The following RIN2 variants were observed in gnomAD, a reference collection of about 807,000 sequenced individuals.
The protein encoded by RIN2 is Ras and Rab interactor 2.
Under a neutral mutation model 78.0 loss-of-function variants are expected in RIN2, and 36 were observed. That is an observed-to-expected ratio of 0.46 (90% CI 0.35 to 0.61). The LOEUF is 0.61. Among genes scored for constraint, RIN2 ranks in the 20% least tolerant of loss-of-function variants. RIN2 has a pLI of 0.00. For missense variants in RIN2, 1,087 were observed against 1,159.7 expected (o/e 0.94, Z 0.91); for synonymous variants, 466 against 466.8 (o/e 1.00, Z 0.02).
chr20:19,924,499 ACCCCC>A (rs1568616144), intron 3 of RIN2, among the ~76,000 whole-genome samples: 1 of 68,110 alleles, frequency 1.5e-5, no homozygotes, highest in Non-Finnish European at 3.1e-5. Context: ...CCACCTTCAT[ACCCCC>A]ACCTTCACAC....
intron 11 of RIN2, among the ~76,000 whole-genome samples, chr20:19,994,229 G>A (rs116598127): frequency 1.5e-4 from 23 of 152,322 alleles, no homozygotes; most frequent in African/African-American, 4.1e-4. Context: ...GGAAGTAGGC[G>A]GCCCAGTTGG....
intron 4 of RIN2, among the ~76,000 whole-genome samples, chr20:19,939,633 C>T (rs1187073987): frequency 6.6e-6 from 1 of 152,174 alleles, no homozygotes; most frequent in Non-Finnish European, 1.5e-5. Flanking sequence ...AGCATTCTCT[C>T]CCCATCACTC....
At chr20:19,995,113 T>C (rs540846402) in intron 11 of RIN2, among the ~76,000 whole-genome samples, 2 of 152,246 alleles carry the variant, frequency 1.3e-5, no homozygotes, top group East Asian at 3.9e-4. Flanking sequence ...ATATTGCCAC[T>C]TATTGACCAG....
intron 1 of RIN2, among the ~76,000 whole-genome samples, chr20:19,796,211 C>G (rs2035051317): frequency 6.6e-6 from 1 of 152,078 alleles, no homozygotes; most frequent in Admixed American, 6.5e-5. Context: ...AGGATTTGGT[C>G]CATAGTAAAG....
intron 2 of RIN2, among the ~76,000 whole-genome samples, chr20:19,854,137 A>C (rs894656351): frequency 3.3e-5 from 5 of 152,152 alleles, no homozygotes; most frequent in Non-Finnish European, 7.4e-5. Flanking sequence ...TAAATAGGGA[A>C]TCCTTTCCCC....
intron 2 of RIN2, among the ~76,000 whole-genome samples, chr20:19,813,003 C>G (rs1484961109): frequency 1.3e-5 from 2 of 152,196 alleles, no homozygotes; most frequent in African/African-American, 4.8e-5. Context: ...AGTGCAGGGT[C>G]AGATTCTGAG....
At chr20:19,865,090 G>A (rs998348708) in intron 2 of RIN2, among the ~76,000 whole-genome samples, 1 of 152,162 alleles carries the variant, frequency 6.6e-6, no homozygotes, top group Admixed American at 6.5e-5. Context: ...AAATGTTTAC[G>A]ACTCCCCCAG....
At chr20:19,927,272 G>A (rs950326385) in intron 3 of RIN2, among the ~76,000 whole-genome samples, 3 of 152,192 alleles carry the variant, frequency 2.0e-5, no homozygotes, top group Non-Finnish European at 4.4e-5. Context: ...TTAAGAGATG[G>A]GGTCTCACTC....
chr20:19,815,140 ATTTTGTTT>A, intron 2 of RIN2, among the ~76,000 whole-genome samples: 1 of 152,210 alleles, frequency 6.6e-6, no homozygotes, highest in Admixed American at 6.5e-5. Context: ...TGAGGTTTGC[ATTTTGTTT>A]ATTTATTTTT....
intron 7 of RIN2, among the ~76,000 whole-genome samples, chr20:19,966,370 T>G (rs2041938670): frequency 6.6e-6 from 1 of 151,594 alleles, no homozygotes; most frequent in African/African-American, 2.4e-5. Context: ...TTGCCCAAGC[T>G]GGGGTGCAAT....
intron 1 of RIN2, among the ~76,000 whole-genome samples, chr20:19,759,467 T>C (rs1022010024): frequency 6.6e-6 from 1 of 152,214 alleles, no homozygotes; most frequent in Admixed American, 6.5e-5. Context: ...ATCATTAAGA[T>C]AAATAGTATT....
At chr20:19,811,024 T>C (rs1175133807) in intron 2 of RIN2, among the ~76,000 whole-genome samples, 18 of 144,452 alleles carry the variant, frequency 1.2e-4, no homozygotes, top group Admixed American at 1.2e-3. Flanking sequence ...GTACTGTTTT[T>C]CAAATAACGA....
chr20:19,909,403 A>G (rs901557045), intron 3 of RIN2, among the ~76,000 whole-genome samples: 6 of 152,070 alleles, frequency 3.9e-5, no homozygotes, highest in Admixed American at 3.9e-4. Context: ...AATAATTTCA[A>G]TTTTTCCCAA....
At chr20:19,852,068 A>G (rs1286660028) in intron 2 of RIN2, among the ~76,000 whole-genome samples, 5 of 152,208 alleles carry the variant, frequency 3.3e-5, no homozygotes. Context: ...CAGAAGCACC[A>G]GAGCACAAGC....
chr20:19,966,291 C>T (rs2041934557), intron 7 of RIN2, among the ~76,000 whole-genome samples: 1 of 150,410 alleles, frequency 6.6e-6, no homozygotes, highest in African/African-American at 2.4e-5. Flanking sequence ...TGCCTGTTGA[C>T]TAGACTCTGC....
In RIN2 at chr20:19,834,867, C is replaced by T. The variant is rs369907388; in HGVS notation, c.-37+35120C>T. On this transcript the variant is annotated intron_variant, in intron 2 of 12. Coordinates refer to ENST00000255006, the MANE Select transcript of RIN2 (RefSeq NM_018993.4). ...CTTTGAGAGACTGAGGCAAGAGAAT[C>T]CAGGAGGTCAAGGCTGCAATAAGCC... Among the ~76,000 whole-genome samples, 20 of 151,478 alleles carry T rather than the reference C, an allele frequency of 1.3e-4. No individual in the cohort carries two copies. In the South Asian group the frequency reaches 4.2e-3, roughly 32 times the overall value.
Position 19,871,754 on chromosome 20 carries a change from G to GTACATT in RIN2, c.-36-17812_-36-17811insTACATT, listed in dbSNP as rs1568560139. The GTACATT allele has an allele frequency of 7.9e-5, 12 of 152,234 alleles. No homozygotes were observed. The East Asian group carries it at 2.3e-3, about 29-fold the overall frequency. 9.4% of individuals were successfully genotyped at this position (152,234 alleles called of 1,614,324 possible). On this transcript the variant is annotated intron_variant, in intron 2 of 12. Transcript: ENST00000255006. ...GAGGTAGAACCAATGTACGCATCGC[G>GTACATT]GCTTCTCTAAGGAATCATAGGCAGG...
intron 9 of RIN2, among the ~76,000 whole-genome samples, chr20:19,983,943 A>G (rs1159404246): frequency 1.3e-5 from 2 of 151,920 alleles, no homozygotes; most frequent in East Asian, 1.9e-4. Context: ...GGTTTTTTAC[A>G]TATGTATACA....
chr20:19,813,938 T>G (rs918447057), intron 2 of RIN2, among the ~76,000 whole-genome samples: 1 of 152,204 alleles, frequency 6.6e-6, no homozygotes, highest in African/African-American at 2.4e-5. Flanking sequence ...TATAGAAAAC[T>G]AGACATGTTT....
Sources: allele counts gnomAD v4.1 joint callset (sites outside exome capture counted in the v4.1 genomes callset), GRCh38; gene constraint gnomAD v4.1.1; transcripts MANE v1.5; gene names NCBI Gene and HGNC (gene_info 2026-07-23, HGNC 2026-07-21).